The following GET4 variants were observed in gnomAD, a reference collection of about 807,000 sequenced individuals.
GET4 encodes guided entry of tail-anchored proteins factor 4, also known as Golgi to ER traffic protein 4 homolog.
In GET4, 20 loss-of-function variants were observed where a neutral mutation model predicts 40.0. The observed-to-expected ratio is 0.50, with a 90% confidence interval of 0.35 to 0.73. The LOEUF (loss-of-function observed/expected upper bound fraction) is 0.73. Ranked by LOEUF, GET4 falls within the 30% of genes least tolerant of loss-of-function variation. The pLI is 0.01. For synonymous variants in GET4, 280 were observed against 194.6 expected (o/e 1.44, Z -3.65); for missense variants, 557 against 454.0 (o/e 1.23, Z -2.06).
chr7:891,729 G>A (rs1354018652), intron 5 of GET4, among the ~76,000 whole-genome samples: 6 of 152,260 alleles, frequency 3.9e-5, no homozygotes, highest in East Asian at 1.9e-4. Context: ...TGACCTCAGC[G>A]TTGCCCGCTG....
At chr7:887,577 C>T (rs1278352617) in intron 4 of GET4, 58 bp downstream of exon 4, 5 of 1,326,780 alleles carry the variant, frequency 3.8e-6, no homozygotes, top group Non-Finnish European at 4.0e-6. Context: ...TTGATTTGCA[C>T]TGTGCGTTCC....
At chr7:886,944 G>C in intron 3 of GET4, 1 of 529,536 alleles carries the variant, frequency 1.9e-6, no homozygotes, top group Non-Finnish European at 3.5e-6. Flanking sequence ...AGCTGGCAAG[G>C]TGGGGCACCA....
intron 1 of GET4, chr7:884,274 A>G (rs2128627349): frequency 7.7e-7 from 1 of 1,304,072 alleles, no homozygotes; most frequent in Middle Eastern, 2.1e-4. Context: ...GTTTTTCCAG[A>G]GTGCCCTGTG....
At chr7:887,596 A>G in intron 4 of GET4, 77 bp downstream of exon 4, 1 of 1,146,546 alleles carries the variant, frequency 8.7e-7, no homozygotes, top group African/African-American at 1.6e-5. Flanking sequence ...CCAATACATC[A>G]GGGTCACCCA....
chr7:896,321 G>C lies in GET4; in HGVS notation c.*899G>C, dbSNP rs1844494897. On this transcript the variant is annotated 3_prime_UTR_variant, in exon 9 of 9. Transcript: ENST00000265857. ...TTTTCACAGTTAAATGACAGTTGTA[G>C]ATTGATACGCAGTTGTGCATGGGAA... 1 of 152,260 alleles carries C rather than the reference G, an allele frequency of 6.6e-6. No homozygotes were observed. Among genetic ancestry groups the C allele is most frequent in the Non-Finnish European group, 1.5e-5 (1 of 68,054 alleles). The allele number at this position is 152,260 out of a possible 1,614,324, so 9.4% of individuals were successfully genotyped here.
At chr7:881,943 C>G (rs1190612549) in intron 1 of GET4, 1 of 152,222 alleles carries the variant, frequency 6.6e-6, no homozygotes, top group Non-Finnish European at 1.5e-5. Context: ...ATTCTGTCCC[C>G]GCATTAGTTT....
chr7:876,813 GGCCCTCGCCGCAGCCCAGCGCCC>G lies in GET4; in HGVS notation c.155+18_155+40del. On this transcript the variant is annotated intron_variant, in intron 1 of 8. Transcript: ENST00000265857. ...CCCTGTTCTTCAGGTACCCGCGCCC[GGCCCTCGCCGCAGCCCAGCGCCC>G]GCCCCCGCCGCCTCCCATTGGCCGC... 8.5e-7 allele frequency: 1 copy of G among 1,175,296 alleles called. No homozygotes were observed. Among genetic ancestry groups the G allele is most frequent in the Non-Finnish European group, 1.1e-6 (1 of 938,834 alleles). The allele number at this position is 1,175,296 out of a possible 1,614,324, so 72.8% of individuals were successfully genotyped here. A position where few individuals can be genotyped will look rare whatever the true frequency, so the allele number is the denominator to read the frequency against.
In GET4 at chr7:891,070, G is replaced by C. The variant is rs370235298; in HGVS notation, c.605+4G>C. ...TCGTGGCCCAGGCCGTGCTACAGTA[G>C]GTGTCTGTGGCTCTTCGGGTCTCGG... On this transcript the variant is annotated splice_donor_region_variant and intron_variant, in intron 5 of 8. Coordinates refer to ENST00000265857, the MANE Select transcript of GET4 (RefSeq NM_015949.3). The C allele has an allele frequency of 1.0e-5, 16 of 1,589,150 alleles. No homozygotes were observed. The highest frequency in any genetic ancestry group is 1.4e-5 in the Non-Finnish European group (16 of 1,163,366).
At chr7:893,856 G>A in intron 7 of GET4, 41 bp downstream of exon 7, 1 of 1,605,436 alleles carries the variant, frequency 6.2e-7, no homozygotes, top group South Asian at 1.1e-5. Context: ...GGACCCCACG[G>A]TCTGGGTCCA....
rs568268589 is a variant in GET4, at chr7:894,558, C to T, written c.895+587C>T. On this transcript the variant is annotated intron_variant, in intron 8 of 8. Transcript: ENST00000265857. ...CCCTGTCCTCCCCGGATGCCCCCCC[C>T]AGACACCCTGGCCCTCACCGTGCCC... Among the ~76,000 whole-genome samples, 19 of 152,294 alleles carry T rather than the reference C, an allele frequency of 1.2e-4. No individual in the cohort carries two copies. The East Asian group carries it at 2.7e-3, about 22-fold the overall frequency.
At chr7:884,073 C>A in intron 1 of GET4, 1 of 1,185,748 alleles carries the variant, frequency 8.4e-7, no homozygotes, top group Non-Finnish European at 1.1e-6. Context: ...TGGGTCACTG[C>A]CTTCCAGGGA....
In GET4 at chr7:895,320, GTTC is replaced by G. The variant is rs376487073; in HGVS notation, c.896-8_896-6del. The G allele has an allele frequency of 4.6e-4, 664 of 1,443,428 alleles. 2 individuals carry two copies. The highest frequency in any genetic ancestry group is 4.5e-3 in the African/African-American group (323 of 71,372). 89.4% of individuals were successfully genotyped at this position (1,443,428 alleles called of 1,614,324 possible). Reference sequence around the variant, plus strand: ...GCTGCCCAGGCGTGACTGCCACGGTGTTCTTCTTTCCAGGGAACCTTCTGACCA... The same window carrying G: ...GCTGCCCAGGCGTGACTGCCACGGTGTTCTTTCCAGGGAACCTTCTGACCA... On this transcript the variant is annotated splice_polypyrimidine_tract_variant and intron_variant, in intron 8 of 8. Transcript: ENST00000265857.
At chr7:878,674 G>C (rs752536666) in intron 1 of GET4, among the ~76,000 whole-genome samples, 1 of 151,354 alleles carries the variant, frequency 6.6e-6, no homozygotes, top group Non-Finnish European at 1.5e-5. Context: ...CACCTCCCGA[G>C]TTCAAGCTAT....
chr7:878,084 C>T (rs954077817), intron 1 of GET4: 3 of 328,916 alleles, frequency 9.1e-6, no homozygotes, highest in Admixed American at 7.4e-5. Flanking sequence ...TCTGTTGACG[C>T]CGCCCGGCCT....
chr7:880,299 C>T, intron 1 of GET4: 1 of 152,416 alleles, frequency 6.6e-6, no homozygotes, highest in Non-Finnish European at 1.5e-5. Context: ...CGAGGTCACG[C>T]CACTGCGCTC....
intron 1 of GET4, 66 bp downstream of exon 1, chr7:876,866 C>G (rs1407518505): frequency 2.2e-6 from 2 of 903,218 alleles, no homozygotes; most frequent in Non-Finnish European, 2.8e-6. Flanking sequence ...GGCCGCGCCG[C>G]CTCGCCCCGC....
At position 892,296 on chromosome 7, in the gene GET4, C is replaced by A; in HGVS notation, c.624C>A (p.Asn208Lys). 2 of 1,588,914 alleles carry A rather than the reference C, an allele frequency of 1.3e-6. No homozygotes were observed. The highest frequency in any genetic ancestry group is 1.7e-6 in the Non-Finnish European group (2 of 1,158,692). The change falls in exon 6 of 9, where the codon AAC (asparagine) becomes AAA (lysine). Residue 208 changes from asparagine (N) to lysine (K), a missense_variant. Transcript: ENST00000265857. ...QAVLQFLCLK[N>K]KSSASVVFTT... ...TTTCCAGGTTTCTCTGTTTAAAAAA[C>A]AAAAGTAGCGCATCGGTGGTCTTCA...
rs1583104856 is a variant in GET4, at chr7:896,014, T to A, written c.*592T>A. Reference sequence around the variant, plus strand: ...CGTGCGGCGGGACGGTGCCTACGGGTACTTGCAGCTGTGTCCCATGTGGCA... The same window carrying A: ...CGTGCGGCGGGACGGTGCCTACGGGAACTTGCAGCTGTGTCCCATGTGGCA... On this transcript the variant is annotated 3_prime_UTR_variant, in exon 9 of 9. Transcript: ENST00000265857. 1 of 152,180 alleles carries A rather than the reference T, an allele frequency of 6.6e-6. No individual in the cohort carries two copies. The highest frequency in any genetic ancestry group is 6.5e-5 in the Admixed American group (1 of 15,284). The allele number at this position is 152,180 out of a possible 1,614,324, so 9.4% of individuals were successfully genotyped here. A position where few individuals can be genotyped will look rare whatever the true frequency, so the allele number is the denominator to read the frequency against.
intron 1 of GET4, chr7:878,119 G>T (rs1463799023): frequency 1.6e-5 from 6 of 367,200 alleles, no homozygotes; most frequent in Non-Finnish European, 2.8e-5. Flanking sequence ...GCCGCCTCTG[G>T]ACCTAGGCTC....
Sources: gnomAD v4.1 joint callset for allele counts (sites outside exome capture counted in the v4.1 genomes callset) on GRCh38, gnomAD v4.1.1 for gene constraint, MANE v1.5 for transcripts, NCBI Gene and HGNC (gene_info 2026-07-23, HGNC 2026-07-21) for gene names.